ADCY7: variants seen among roughly 807,000 people sequenced by gnomAD.
ADCY7 encodes the protein adenylate cyclase type 7.
ADCY7 carries 72 observed loss-of-function variants against 120.6 expected under a neutral mutation model. The ratio of observed to expected loss-of-function variants is 0.60; its 90% CI spans 0.49 to 0.73. The LOEUF is 0.73. ADCY7 is among the 30% of genes least tolerant of loss of function. The pLI, the probability that ADCY7 is intolerant of heterozygous loss-of-function variation, is 0.00. For missense variants in ADCY7, 1,227 were observed against 1,486.0 expected, an observed-to-expected ratio of 0.83 and a Z score of 2.87; for synonymous variants, 661 against 628.0, an observed-to-expected ratio of 1.05 and a Z score of -0.78.
Position 50,311,730 on chromosome 16 carries a change from A to G in ADCY7, c.2392A>G (p.Met798Val), listed in dbSNP as rs146416155. 337 of 1,604,122 alleles carry G rather than the reference A, an allele frequency of 2.1e-4. No homozygotes were observed. The highest frequency in any genetic ancestry group is 2.7e-4 in the Non-Finnish European group (312 of 1,177,026). Reference protein sequence around the residue: ...PSCSWKDLKTMTNFYLVLFYI... With the variant: ...PSCSWKDLKTVTNFYLVLFYI... ...CTGTTCCTGGAAGGACCTGAAGACC[A>G]TGACCAATTTCTACCTGGTCCTGTT... Residue 798 changes from methionine (M) to valine (V), a missense_variant, in exon 20 of 26, where the codon ATG becomes GTG. By Grantham distance (21) the Met-to-Val change is conservative. This residue lies in a region of ADCY7 where 267 missense variants were observed against 270.0 expected (regional missense o/e 0.99). Coordinates refer to ENST00000673801, the MANE Select transcript of ADCY7 (RefSeq NM_001114.5).
At chr16:50,295,345 ATT>A (rs67137852) in intron 7 of ADCY7, among the ~76,000 whole-genome samples, 301 of 82,694 alleles carry the variant, frequency 3.6e-3, no homozygotes, top group African/African-American at 4.2e-3. Flanking sequence ...CGCCTGGCTA[ATT>A]TTTTTTTTTT....
In ADCY7 at chr16:50,293,445, G is replaced by T. The variant is rs201627898; in HGVS notation, c.779G>T (p.Arg260Leu). The T allele has an allele frequency of 1.2e-5, 19 of 1,613,898 alleles. No homozygotes were observed. The highest frequency in any genetic ancestry group is 1.5e-5 in the Non-Finnish European group (18 of 1,180,034). Residue 260 changes from arginine (R) to leucine (L), a missense_variant, in exon 6 of 26, where the codon CGC becomes CTC. Arg to Leu is a moderately radical substitution (Grantham distance 102). Coordinates refer to ENST00000673801, the MANE Select transcript of ADCY7 (RefSeq NM_001114.5). ...CGGCTCAAGGAGCATGGTGACCGTC[G>T]CTGCATGCCTGACAACAACTTCCAC... ...IERLKEHGDR[R>L]CMPDNNFHSL...
chr16:50,284,579 T>C (rs1304575195), intron 1 of ADCY7, among the ~76,000 whole-genome samples: 2 of 152,228 alleles, frequency 1.3e-5, no homozygotes, highest in Admixed American at 6.5e-5. Flanking sequence ...GCCTCAGCCC[T>C]CTGGTGTTTG....
At chr16:50,310,968 A>C in intron 19 of ADCY7, 88 bp downstream of exon 19, 1 of 1,349,998 alleles carries the variant, frequency 7.4e-7, no homozygotes, top group East Asian at 2.5e-5. Context: ...TTCTGTGTTC[A>C]TGGGGAGTGG....
chr16:50,306,964 T>G, intron 14 of ADCY7, 86 bp from the exon 15 acceptor site: 2 of 988,070 alleles, frequency 2.0e-6, no homozygotes, highest in South Asian at 1.5e-5. Flanking sequence ...AGCAGGGAGG[T>G]GTTTTTTTTA....
chr16:50,250,382 G>A (rs1397399698), intron 1 of ADCY7, among the ~76,000 whole-genome samples: 5 of 151,052 alleles, frequency 3.3e-5, no homozygotes, highest in East Asian at 1.9e-4. Context: ...GCTTGAACCC[G>A]GGAGGCGGAG....
At chr16:50,305,638 G>T (rs373204658) in intron 13 of ADCY7, 52 bp downstream of exon 13, 28 of 1,555,688 alleles carry the variant, frequency 1.8e-5, no homozygotes, top group Admixed American at 5.2e-5. Context: ...CTCGGATAGG[G>T]GTCCCCTATA....
intron 1 of ADCY7, among the ~76,000 whole-genome samples, chr16:50,250,508 GTAGCTCACA>G (rs1173015755): frequency 2.0e-5 from 3 of 151,344 alleles, no homozygotes; most frequent in Non-Finnish European, 4.4e-5. Flanking sequence ...GCCAGGTGCA[GTAGCTCACA>G]TATTTAATCC....
chr16:50,291,898 G>T lies in ADCY7; in HGVS notation c.537+1G>T, dbSNP rs2035000936. 2 of 1,607,618 alleles carry T rather than the reference G, an allele frequency of 1.2e-6. No individual in the cohort carries two copies. The highest frequency in any genetic ancestry group is 1.7e-5 in the Admixed American group (1 of 59,588). Reference sequence around the variant, plus strand: ...ACCCAGTGTCCGGGTGGGGCTGCAGGTGAGGGATGGGCTAAGGCCTCTGGG... The same window carrying T: ...ACCCAGTGTCCGGGTGGGGCTGCAGTTGAGGGATGGGCTAAGGCCTCTGGG... On this transcript the variant is annotated splice_donor_variant, in intron 4 of 25. Transcript: ENST00000673801. LOFTEE classifies it high-confidence loss of function.
intron 1 of ADCY7, among the ~76,000 whole-genome samples, chr16:50,269,714 G>T (rs569516345): frequency 6.6e-6 from 1 of 152,128 alleles, no homozygotes; most frequent in Non-Finnish European, 1.5e-5. Context: ...TTCATACTGA[G>T]GTGACACAGC....
At position 50,315,566 on chromosome 16, in the gene ADCY7, G is replaced by A; in HGVS notation, c.*61G>A. 1 of 1,582,436 alleles carries A rather than the reference G, an allele frequency of 6.3e-7. No individual in the cohort carries two copies. The highest frequency in any genetic ancestry group is 8.6e-7 in the Non-Finnish European group (1 of 1,156,818). ...AGTCTCCTTCCCTGAAGCAAGCCCA[G>A]GAGAAGACTCTCCGCCCCACGCCAA... On this transcript the variant is annotated 3_prime_UTR_variant, in exon 26 of 26. Transcript: ENST00000673801.
chr16:50,272,472 A>C (rs2033635436), intron 1 of ADCY7, among the ~76,000 whole-genome samples: 1 of 152,190 alleles, frequency 6.6e-6, no homozygotes, highest in African/African-American at 2.4e-5. Flanking sequence ...GGCAGGGAGA[A>C]GCCTAGCACC....
At chr16:50,308,985 C>CAG in intron 17 of ADCY7, 193 bp downstream of exon 17, 1 of 609,686 alleles carries the variant, frequency 1.6e-6, no homozygotes, top group Non-Finnish European at 2.6e-6. Context: ...TTTGGGGGCC[C>CAG]AGAGAGCTTG....
intron 1 of ADCY7, among the ~76,000 whole-genome samples, chr16:50,285,757 C>T (rs998369278): frequency 1.3e-5 from 2 of 152,230 alleles, no homozygotes; most frequent in Non-Finnish European, 2.9e-5. Context: ...CAGCTGTCCC[C>T]AAGTCCCCAT....
In ADCY7 at chr16:50,312,895, G is replaced by C; in HGVS notation, c.2610G>C (p.Trp870Cys). Residue 870 changes from tryptophan (W) to cysteine (C), a missense_variant, in exon 22 of 26, where the codon TGG becomes TGC. Around this residue, in one of 5 missense-constraint regions of ADCY7, gnomAD observed 244 missense variants for 332.8 expected, o/e 0.73. Coordinates refer to ENST00000673801, the MANE Select transcript of ADCY7 (RefSeq NM_001114.5). Reference sequence around the variant, plus strand: ...TCCGGTTTCTTCCCATCCAGGACTGGTACCATCAGTCCTATGACTGCGTCT... The same window carrying C: ...TCCGGTTTCTTCCCATCCAGGACTGCTACCATCAGTCCTATGACTGCGTCT... The part of the protein sequence containing the change: ...HFIGDKLNED[W>C]YHQSYDCVCV... The C allele has an allele frequency of 6.2e-7, 1 of 1,614,026 alleles. No homozygotes were observed. Among genetic ancestry groups the C allele is most frequent in the Non-Finnish European group, 8.5e-7 (1 of 1,179,986 alleles).
chr16:50,275,895 C>T (rs1052355031), intron 1 of ADCY7, among the ~76,000 whole-genome samples: 3 of 152,206 alleles, frequency 2.0e-5, no homozygotes, highest in African/African-American at 7.2e-5. Flanking sequence ...CCCCCGCCCA[C>T]CACCCTTGGG....
At chr16:50,313,798 C>A in intron 22 of ADCY7, 160 bp from the exon 23 acceptor site, 1 of 618,278 alleles carries the variant, frequency 1.6e-6, no homozygotes, top group East Asian at 2.7e-5. Context: ...CATGTCCTCA[C>A]CATGCTTAGT....
At chr16:50,277,671 T>G (rs2033982511) in intron 1 of ADCY7, among the ~76,000 whole-genome samples, 1 of 145,102 alleles carries the variant, frequency 6.9e-6, no homozygotes, top group Non-Finnish European at 1.5e-5. Context: ...ATGGTAGGTT[T>G]TTTTTTTTTT....
chr16:50,250,933 G>C (rs1027013488), intron 1 of ADCY7, among the ~76,000 whole-genome samples: 1 of 152,112 alleles, frequency 6.6e-6, no homozygotes, highest in Non-Finnish European at 1.5e-5. Flanking sequence ...TCAAAATACA[G>C]CTTTAAAAAA....
Sources: gnomAD v4.1 joint callset for allele counts (sites outside exome capture counted in the v4.1 genomes callset) on GRCh38, gnomAD v4.1.1 for gene constraint, gnomAD v4.1.1 regional missense constraint, MANE v1.5 for transcripts, NCBI Gene and HGNC (gene_info 2026-07-23, HGNC 2026-07-21) for gene names.